ARHGAP6: variants seen among roughly 807,000 people sequenced by gnomAD.
The protein encoded by ARHGAP6 is rho GTPase-activating protein 6.
In ARHGAP6, 16 loss-of-function variants were observed where a neutral mutation model predicts 55.7. That is an observed-to-expected ratio of 0.29 (90% CI 0.19 to 0.44). ARHGAP6 has a LOEUF of 0.44. Among genes scored for constraint, ARHGAP6 ranks in the 20% least tolerant of loss-of-function variants. The pLI, the probability that ARHGAP6 is intolerant of heterozygous loss-of-function variation, is 1.00. For missense variants in ARHGAP6, 698 were observed against 808.9 expected (o/e 0.86, Z 1.66); for synonymous variants, 382 against 360.9 (o/e 1.06, Z -0.66).
At chrX:11,462,751 A>G (rs1422545791) in intron 1 of ARHGAP6, among the ~76,000 whole-genome samples, 1 of 112,308 alleles carries the variant, frequency 8.9e-6, no homozygotes, top group Non-Finnish European at 1.9e-5. Flanking sequence ...TGTGGTAAGG[A>G]TTCTATGATG....
At chrX:11,521,385 G>C (rs1454872945) in intron 1 of ARHGAP6, among the ~76,000 whole-genome samples, 1 of 112,280 alleles carries the variant, frequency 8.9e-6, no homozygotes, top group Non-Finnish European at 1.9e-5. Context: ...TGGCTAGCCA[G>C]TTTTCCCAGC....
intron 1 of ARHGAP6, among the ~76,000 whole-genome samples, chrX:11,544,506 G>A (rs1390651062): frequency 8.9e-6 from 1 of 112,209 alleles, no homozygotes; most frequent in African/African-American, 3.2e-5. Flanking sequence ...TTTGAAATTG[G>A]CTTCACAACC....
chrX:11,458,841 T>C (rs1170549029), intron 1 of ARHGAP6, among the ~76,000 whole-genome samples: 2 of 111,039 alleles, frequency 1.8e-5, no homozygotes, highest in African/African-American at 6.5e-5. Context: ...GTAAATATAA[T>C]ATATAAGTAA....
intron 10 of ARHGAP6, among the ~76,000 whole-genome samples, chrX:11,145,288 T>C (rs1018303459): frequency 3.5e-4 from 39 of 112,325 alleles, no homozygotes; most frequent in African/African-American, 1.3e-3. Flanking sequence ...AACACTTTCC[T>C]AACCAAATGG....
At chrX:11,505,931 G>A (rs1198195118) in intron 1 of ARHGAP6, among the ~76,000 whole-genome samples, 1 of 111,024 alleles carries the variant, frequency 9.0e-6, no homozygotes, top group African/African-American at 3.3e-5. Context: ...AAAATAACTA[G>A]CAGGTACTAT....
intron 1 of ARHGAP6, among the ~76,000 whole-genome samples, chrX:11,338,880 A>G (rs2048671082): frequency 8.9e-6 from 1 of 111,929 alleles, no homozygotes; most frequent in Non-Finnish European, 1.9e-5. Context: ...CTTTTGCTAT[A>G]CGCACCCCTT....
At chrX:11,276,857 T>C (rs1950981376) in intron 1 of ARHGAP6, among the ~76,000 whole-genome samples, 1 of 112,278 alleles carries the variant, frequency 8.9e-6, no homozygotes. Flanking sequence ...AAATAAATTA[T>C]AGTAAAATAA....
At chrX:11,590,881 A>AAGAAAAGAAG (rs2051816055) in intron 1 of ARHGAP6, among the ~76,000 whole-genome samples, 3 of 78,056 alleles carry the variant, frequency 3.8e-5, no homozygotes, top group Non-Finnish European at 4.8e-5. Context: ...AAAGAAAGAA[A>AAGAAAAGAAG]GAAAGAAAGA....
intron 1 of ARHGAP6, among the ~76,000 whole-genome samples, chrX:11,554,171 G>A (rs770081107): frequency 2.5e-4 from 28 of 111,929 alleles, no homozygotes; most frequent in African/African-American, 7.5e-4. Context: ...AGGTCATAGT[G>A]TTAAGTGAAA....
intron 1 of ARHGAP6, among the ~76,000 whole-genome samples, chrX:11,564,894 A>C (rs1381681459): frequency 1.8e-5 from 2 of 112,003 alleles, no homozygotes; most frequent in African/African-American, 6.5e-5. Flanking sequence ...CCTCCTATGC[A>C]AGGATAACCT....
At chrX:11,205,127 G>A (rs763583185) in intron 2 of ARHGAP6, among the ~76,000 whole-genome samples, 41 of 111,664 alleles carry the variant, frequency 3.7e-4, no homozygotes, top group East Asian at 5.6e-4. Flanking sequence ...GATGACCACC[G>A]TGATGTGGCA....
chrX:11,443,894 C>T (rs1434427622), intron 1 of ARHGAP6, among the ~76,000 whole-genome samples: 1 of 111,393 alleles, frequency 9.0e-6, no homozygotes, highest in African/African-American at 3.3e-5. Context: ...TGCCACCGCA[C>T]TCCAGCCTGG....
intron 8 of ARHGAP6, among the ~76,000 whole-genome samples, chrX:11,176,300 CATATATATATATATAT>C (rs59647126): frequency 0.035 from 553 of 15,619 alleles, 16 homozygotes; most frequent in Middle Eastern, 0.22. Context: ...TATTTGCATG[CATATATATATATATAT>C]ATATATATAT....
At chrX:11,630,082 C>G (rs1172534847) in intron 1 of ARHGAP6, among the ~76,000 whole-genome samples, 1 of 110,773 alleles carries the variant, frequency 9.0e-6, no homozygotes, top group East Asian at 2.8e-4. Context: ...TTTCTGTTGT[C>G]TCAAAGTGAC....
intron 1 of ARHGAP6, among the ~76,000 whole-genome samples, chrX:11,395,814 T>C (rs1401694679): frequency 1.8e-5 from 2 of 112,380 alleles, no homozygotes; most frequent in Non-Finnish European, 3.8e-5. Flanking sequence ...ATTGACTACA[T>C]AACTATTTCC....
chrX:11,372,955 A>C (rs1308966958), intron 1 of ARHGAP6, among the ~76,000 whole-genome samples: 1 of 109,656 alleles, frequency 9.1e-6, no homozygotes, highest in Non-Finnish European at 1.9e-5. Context: ...AAAAATTTGG[A>C]ATGTTTATAG....
intron 1 of ARHGAP6, among the ~76,000 whole-genome samples, chrX:11,622,227 T>C (rs1351264737): frequency 8.9e-6 from 1 of 111,873 alleles, no homozygotes; most frequent in African/African-American, 3.2e-5. Flanking sequence ...ACAAGTGACA[T>C]TGCTGTGGTA....
intron 2 of ARHGAP6, among the ~76,000 whole-genome samples, chrX:11,248,136 A>T (rs962777620): frequency 2.7e-5 from 3 of 111,899 alleles, no homozygotes; most frequent in African/African-American, 9.7e-5. Context: ...ATGGATATAC[A>T]GGAGGGAGGA....
chrX:11,294,768 A>T, intron 1 of ARHGAP6: 1 of 1,209,552 alleles, frequency 8.3e-7, no homozygotes, highest in Non-Finnish European at 1.1e-6. Flanking sequence ...ATGTTGACTT[A>T]CATTTCAGAA....
Sources: gnomAD v4.1 joint callset for allele counts (sites outside exome capture counted in the v4.1 genomes callset) on GRCh38, gnomAD v4.1.1 for gene constraint, MANE v1.5 for transcripts, NCBI Gene and HGNC (gene_info 2026-07-23, HGNC 2026-07-21) for gene names.